SYNC: variants seen among roughly 807,000 people sequenced by gnomAD.
SYNC encodes syncoilin, intermediate filament protein, also known as syncoilin.
A neutral mutation model predicts 49.5 loss-of-function variants in SYNC; 38 were observed. The observed-to-expected ratio is 0.77, with a 90% confidence interval of 0.59 to 1.01. The LOEUF (loss-of-function observed/expected upper bound fraction) is 1.01, where lower values mean the gene tolerates loss of function less well. SYNC is among the 50% of genes least tolerant of loss of function. SYNC has a pLI of 0.00. For missense variants in SYNC, 579 were observed against 580.6 expected (o/e 1.00, Z 0.03); for synonymous variants, 201 against 230.8 (o/e 0.87, Z 1.17).
intron 2 of SYNC, among the ~76,000 whole-genome samples, chr1:32,687,855 A>ATTATTATTATTATTATTTT (rs71006359): frequency 3.7e-5 from 5 of 135,516 alleles, no homozygotes; most frequent in Admixed American, 1.5e-4. Flanking sequence ...TATTATTATT[A>ATTATTATTATTATTATTTT]TTATTATTTT....
In SYNC at chr1:32,687,861, A is replaced by ATTATTTTTTTTT. The variant is rs1280120903; in HGVS notation, c.1234-3480_1234-3479insAAAAAAAAATAA. Among the ~76,000 whole-genome samples the ATTATTTTTTTTT allele has an allele frequency of 7.6e-4, 112 of 146,442 alleles. 1 individual carries two copies. Among genetic ancestry groups the ATTATTTTTTTTT allele is most frequent in the Middle Eastern group, 7.2e-3 (2 of 276 alleles). ...TATTATTATTATTATTATTATTATT[A>ATTATTTTTTTTT]TTTTTTGAGATGGAGTCTTGCTCTG... On this transcript the variant is annotated intron_variant, in intron 2 of 4. Transcript: ENST00000409190.
At chr1:32,691,085 G>T (rs971811417) in intron 2 of SYNC, among the ~76,000 whole-genome samples, 3 of 152,148 alleles carry the variant, frequency 2.0e-5, no homozygotes, top group Admixed American at 6.6e-5. Flanking sequence ...AGCTATGGTG[G>T]CATGCACCTG....
chr1:32,695,792 A>C lies in SYNC; in HGVS notation c.306T>G (p.Asn102Lys), dbSNP rs1650402797. The C allele has an allele frequency of 6.4e-7, 1 of 1,551,390 alleles. No individual in the cohort carries two copies. Among genetic ancestry groups the C allele is most frequent in the African/African-American group, 1.4e-5 (1 of 72,950 alleles). Residue 102 changes from asparagine to lysine, a missense_variant, in exon 2 of 5, where the codon AAT (asparagine) becomes AAG (lysine). Transcript: ENST00000409190. The stretch of plus-strand genomic sequence containing the variant: ...CCTCCACACACACTGTCTCCTCTGG[A>C]TTCCCAGGCTCCTCCACATGCAGAG... ...DEALHVEEPG[N>K]PEETVCVEET...
At position 32,695,687 on chromosome 1, in the gene SYNC, A is replaced by C. The variant is rs188860441; in HGVS notation, c.411T>G (p.Val137=). 131 of 1,551,134 alleles carry C rather than the reference A, an allele frequency of 8.4e-5. No individual in the cohort carries two copies. The highest frequency in any genetic ancestry group is 6.3e-4 in the Admixed American group (32 of 50,918). ...CCCTTGTGACTGTCTCTCCCTCATA[A>C]ACAACGTGCTCTGGGCTTGTGGGCT... The part of the protein sequence containing the change: ...PGKPTSPEHV[V]YEGETVTRAE... The change falls in exon 2 of 5, where the codon GTT becomes GTG. Residue 137 remains valine (V), a synonymous_variant. Transcript: ENST00000409190.
chr1:32,681,771 G>C lies in SYNC; in HGVS notation c.*79C>G. ...CTGGCACTCTTGTCTGGTTGGAAGA[G>C]TACATCCAAAGGGTACTTAGTGATC... On this transcript the variant is annotated 3_prime_UTR_variant, in exon 5 of 5. Transcript: ENST00000409190. The C allele has an allele frequency of 6.2e-7, 1 of 1,612,748 alleles. No individual in the cohort carries two copies. The highest frequency in any genetic ancestry group is 8.5e-7 in the Non-Finnish European group (1 of 1,178,924).
intron 2 of SYNC, among the ~76,000 whole-genome samples, chr1:32,687,751 C>T (rs1231507969): frequency 6.6e-6 from 1 of 151,566 alleles, no homozygotes; most frequent in Non-Finnish European, 1.5e-5. Context: ...GCTCACTTCC[C>T]AAAACATGTC....
In SYNC at chr1:32,688,084, C is replaced by A. The variant is rs200964202; in HGVS notation, c.1234-3702G>T. ...TCCTGACCTCAGGTGATCCACCTGCCTCGGCCTCCCAAAGTGCTGGGATTA... is the reference window on the plus strand; with the variant it reads ...TCCTGACCTCAGGTGATCCACCTGCATCGGCCTCCCAAAGTGCTGGGATTA... On this transcript the variant is annotated intron_variant, in intron 2 of 4. Transcript: ENST00000409190. Among the ~76,000 whole-genome samples the A allele has an allele frequency of 3.9e-5, 6 of 152,002 alleles. No homozygotes were observed. In the East Asian group the frequency reaches 1.2e-3, roughly 29 times the overall value.
At chr1:32,683,948 A>G in intron 4 of SYNC, 62 bp downstream of exon 4, 1 of 1,534,022 alleles carries the variant, frequency 6.5e-7, no homozygotes, top group Non-Finnish European at 9.0e-7. Flanking sequence ...TTAAGGCATT[A>G]ATTAGTATTG....
chr1:32,700,575 T>C (rs1650628135), intron 1 of SYNC, among the ~76,000 whole-genome samples: 1 of 152,154 alleles, frequency 6.6e-6, no homozygotes, highest in South Asian at 2.1e-4. Context: ...TGTGTGCCTG[T>C]AATCCTAGCT....
Position 32,695,344 on chromosome 1 carries a change from C to G in SYNC, c.754G>C (p.Glu252Gln). ...AGCTGGTATTGGTAGGCCACACATT[C>G]CTTTGTCACTTTGAAAAGCTTCTGC... ...VKQKLFKVTK[E>Q]CVAYQYQLEC... Residue 252 changes from glutamate to glutamine, a missense_variant, in exon 2 of 5, where the codon GAA becomes CAA. Glu to Gln is a conservative substitution (Grantham distance 29). Transcript: ENST00000409190. 1.3e-6 allele frequency: 2 copies of G among 1,551,730 alleles called. No homozygotes were observed. Among genetic ancestry groups the G allele is most frequent in the African/African-American group, 1.4e-5 (1 of 73,062 alleles).
At chr1:32,692,924 A>G (rs1570915319) in intron 2 of SYNC, among the ~76,000 whole-genome samples, 1 of 150,818 alleles carries the variant, frequency 6.6e-6, no homozygotes, top group African/African-American at 2.4e-5. Flanking sequence ...AATTGCTTGA[A>G]CCCGGGAGGT....
intron 1 of SYNC, among the ~76,000 whole-genome samples, chr1:32,698,770 T>A (rs994536867): frequency 2.6e-5 from 4 of 151,634 alleles, no homozygotes; most frequent in Admixed American, 2.6e-4. Flanking sequence ...TGTTTCTGTT[T>A]TTTTGTTTTT....
At chr1:32,701,936 CCT>C (rs1293340529) in intron 1 of SYNC, among the ~76,000 whole-genome samples, 1 of 152,144 alleles carries the variant, frequency 6.6e-6, no homozygotes, top group East Asian at 1.9e-4. Context: ...GCTTTGTGCC[CCT>C]GTGTGACAGT....
chr1:32,701,066 C>A (rs1284347396), intron 1 of SYNC, among the ~76,000 whole-genome samples: 1 of 152,166 alleles, frequency 6.6e-6, no homozygotes, highest in African/African-American at 2.4e-5. Context: ...CAGGCACACG[C>A]CACCACGCCT....
At chr1:32,685,988 C>G (rs1202966051) in intron 2 of SYNC, 1 of 152,186 alleles carries the variant, frequency 6.6e-6, no homozygotes, top group Non-Finnish European at 1.5e-5. Flanking sequence ...TGTTACTCTT[C>G]CGTATGAACA....
intron 2 of SYNC, chr1:32,686,088 TA>T (rs1649811310): frequency 6.6e-6 from 1 of 152,242 alleles, no homozygotes; most frequent in Non-Finnish European, 1.5e-5. Flanking sequence ...AGATGTAATG[TA>T]AGTGTAAAAT....
intron 2 of SYNC, among the ~76,000 whole-genome samples, chr1:32,693,564 C>T (rs1459869113): frequency 2.0e-5 from 3 of 152,176 alleles, no homozygotes; most frequent in African/African-American, 7.2e-5. Flanking sequence ...CTGCTTAGAG[C>T]ACCACACTAC....
intron 1 of SYNC, among the ~76,000 whole-genome samples, chr1:32,701,868 A>G (rs968637232): frequency 6.6e-6 from 1 of 152,092 alleles, no homozygotes; most frequent in Admixed American, 6.5e-5. Context: ...CGTGTGTCTG[A>G]CTGTAGCTGT....
At chr1:32,696,441 G>A (rs1404445999) in intron 1 of SYNC, among the ~76,000 whole-genome samples, 1 of 151,694 alleles carries the variant, frequency 6.6e-6, no homozygotes, top group East Asian at 1.9e-4. Flanking sequence ...AGCCTCCCAA[G>A]TAGCACCACC....
Sources: gnomAD v4.1 joint callset for allele counts (sites outside exome capture counted in the v4.1 genomes callset) on GRCh38, gnomAD v4.1.1 for gene constraint, MANE v1.5 for transcripts, NCBI Gene and HGNC (gene_info 2026-07-23, HGNC 2026-07-21) for gene names.